MYO1B: variants seen among roughly 807,000 people sequenced by gnomAD.
The protein encoded by MYO1B is myosin IB.
MYO1B carries 72 observed loss-of-function variants against 159.7 expected under a neutral mutation model. That is an observed-to-expected ratio of 0.45 (90% confidence interval 0.37 to 0.55). The LOEUF is 0.55. Ranked by LOEUF, MYO1B falls within the 20% of genes least tolerant of loss-of-function variation. The pLI is 0.00. For missense variants in MYO1B, 1,062 were observed against 1,364.8 expected, an observed-to-expected ratio of 0.78 and a Z score of 3.50; for synonymous variants, 468 against 473.8, an observed-to-expected ratio of 0.99 and a Z score of 0.16.
chr2:191,269,333 T>G (rs527775516), intron 1 of MYO1B, among the ~76,000 whole-genome samples: 1 of 152,358 alleles, frequency 6.6e-6, no homozygotes, highest in Admixed American at 6.5e-5. Flanking sequence ...AGGATTTCCT[T>G]CCTTTTTAAG....
In MYO1B at chr2:191,387,236, G is replaced by C; in HGVS notation, c.1567G>C (p.Val523Leu). Residue 523 changes from valine to leucine, a missense_variant, in exon 17 of 31, where the codon GTG (valine) becomes CTG (leucine). Val to Leu is a conservative substitution (Grantham distance 32, BLOSUM62 1). This residue lies in a region of MYO1B where 609 missense variants were observed against 744.4 expected (regional missense o/e 0.82). Coordinates refer to ENST00000392318, the MANE Select transcript of MYO1B (RefSeq NM_001130158.3). ...QHYAGKVLYQ[V>L]EGFVDKNNDL... ...GTGCTGCTTATAGGTGCTGTACCAG[G>C]TGGAAGGATTCGTTGACAAAAACAA... 1 of 1,614,058 alleles carries C rather than the reference G, an allele frequency of 6.2e-7. No homozygotes were observed.
chr2:191,252,340 C>T (rs115776148), intron 1 of MYO1B, among the ~76,000 whole-genome samples: 10,898 of 152,182 alleles, frequency 0.072, 1,253 homozygotes, highest in African/African-American at 0.24. Context: ...TGCCGTAGTA[C>T]TCTGCAGGTA....
rs140830801 is a variant in MYO1B, at chr2:191,303,992, A to G, written c.251+7766A>G. 5.9e-3 allele frequency among the ~76,000 whole-genome samples: 902 copies of G among 152,336 alleles called. 6 individuals carry two copies. Among genetic ancestry groups the G allele is most frequent in the Admixed American group, 9.0e-3 (138 of 15,304 alleles). On this transcript the variant is annotated intron_variant, in intron 3 of 30. Transcript: ENST00000392318. ...TCATGGGTCAAAATAAGCAGAAGGC[A>G]GGCACTGTGTTTGTTGTCAGTCTTG...
chr2:191,372,974 C>T (rs1430821427), intron 13 of MYO1B, among the ~76,000 whole-genome samples: 1 of 146,900 alleles, frequency 6.8e-6, no homozygotes, highest in Non-Finnish European at 1.5e-5. Context: ...ACAACCTCTG[C>T]CTCCAGGGTT....
At chr2:191,296,395 A>G (rs969219846) in intron 3 of MYO1B, among the ~76,000 whole-genome samples, 169 bp downstream of exon 3, 1 of 152,206 alleles carries the variant, frequency 6.6e-6, no homozygotes, top group Non-Finnish European at 1.5e-5. Flanking sequence ...AAATTAAAAA[A>G]AGGCAGAATA....
Position 191,296,151 on chromosome 2 carries a change from G to A in MYO1B, c.176G>A (p.Arg59Gln), listed in dbSNP as rs146816421. ...GSVVISVNPY[R>Q]SLPIYSPEKV... ...GTGGTTATATCTGTTAACCCATACC[G>A]GTCTTTACCCATTTATTCACCAGAG... Residue 59 changes from arginine to glutamine, a missense_variant, in exon 3 of 31, where the codon CGG (arginine) becomes CAG (glutamine). Coordinates refer to ENST00000392318, the MANE Select transcript of MYO1B (RefSeq NM_001130158.3). The A allele has an allele frequency of 8.7e-6, 14 of 1,608,256 alleles. No individual in the cohort carries two copies. Among genetic ancestry groups the A allele is most frequent in the Admixed American group, 5.0e-5 (3 of 59,472 alleles).
chr2:191,315,740 A>G (rs1362087084), intron 3 of MYO1B, among the ~76,000 whole-genome samples: 1 of 152,270 alleles, frequency 6.6e-6, no homozygotes, highest in East Asian at 1.9e-4. Flanking sequence ...CATTTTAGAT[A>G]GCTAATTCTC....
intron 4 of MYO1B, among the ~76,000 whole-genome samples, chr2:191,333,799 T>A (rs1193020164): frequency 1.3e-5 from 2 of 152,204 alleles, no homozygotes; most frequent in African/African-American, 4.8e-5. Context: ...ACCCCTTCCA[T>A]GTCACTAACC....
At chr2:191,312,266 T>TACTGTTTCTGAAATCCC (rs1690049332) in intron 3 of MYO1B, among the ~76,000 whole-genome samples, 1 of 152,242 alleles carries the variant, frequency 6.6e-6, no homozygotes, top group Admixed American at 6.5e-5. Flanking sequence ...TCTTGTGGCC[T>TACTGTTTCTGAAATCCC]ACTGTTTCTG....
chr2:191,385,500 G>A (rs1042385450), intron 15 of MYO1B, among the ~76,000 whole-genome samples: 11 of 146,676 alleles, frequency 7.5e-5, no homozygotes, highest in Admixed American at 1.4e-4. Context: ...ATGTTATAGA[G>A]GCTGTATTGT....
intron 21 of MYO1B, among the ~76,000 whole-genome samples, chr2:191,397,669 G>A (rs1430790656): frequency 4.2e-5 from 6 of 144,448 alleles, no homozygotes; most frequent in Admixed American, 1.4e-4. Context: ...CCACAAAACC[G>A]CCATTGTCAT....
At position 191,393,068 on chromosome 2, in the gene MYO1B, A is replaced by C; in HGVS notation, c.2077-5A>C. The stretch of plus-strand genomic sequence containing the variant: ...TTGATAAGTCCATCTATCATTTCTT[A>C]TTAGTTATTCAAATTAGAAGACCTG... On this transcript the variant is annotated splice_polypyrimidine_tract_variant and splice_region_variant and intron_variant, in intron 19 of 30. Transcript: ENST00000392318. The C allele has an allele frequency of 6.2e-7, 1 of 1,612,386 alleles. No individual in the cohort carries two copies.
At chr2:191,306,975 G>T (rs1363538790) in intron 3 of MYO1B, among the ~76,000 whole-genome samples, 1 of 152,172 alleles carries the variant, frequency 6.6e-6, no homozygotes, top group African/African-American at 2.4e-5. Flanking sequence ...TACTGGAAAG[G>T]GGTCCCCCAA....
chr2:191,287,865 T>A (rs573416016), intron 2 of MYO1B, among the ~76,000 whole-genome samples: 1 of 111,316 alleles, frequency 9.0e-6, no homozygotes, highest in East Asian at 3.3e-4. Flanking sequence ...TTGATCTCAG[T>A]CTTTTTTTTT....
intron 6 of MYO1B, among the ~76,000 whole-genome samples, chr2:191,347,215 CA>C (rs1692625319): frequency 6.6e-6 from 1 of 152,156 alleles, no homozygotes; most frequent in Non-Finnish European, 1.5e-5. Context: ...GTGCTTAAGG[CA>C]GGACAGTGAC....
chr2:191,389,338 A>G (rs893409436), intron 17 of MYO1B, among the ~76,000 whole-genome samples: 2 of 152,372 alleles, frequency 1.3e-5, no homozygotes, highest in Non-Finnish European at 2.9e-5. Flanking sequence ...TTGCTGCAGT[A>G]TGATCCAAAG....
chr2:191,310,675 T>G (rs17414109), intron 3 of MYO1B, among the ~76,000 whole-genome samples: 1 of 152,004 alleles, frequency 6.6e-6, no homozygotes. Flanking sequence ...ACCAATCTGC[T>G]TGAATCATTG....
intron 24 of MYO1B, among the ~76,000 whole-genome samples, chr2:191,405,134 A>G (rs1281814480): frequency 6.6e-6 from 1 of 152,240 alleles, no homozygotes; most frequent in Admixed American, 6.5e-5. Flanking sequence ...TCATTTCAGC[A>G]GTGTTCACAG....
chr2:191,354,315 A>G (rs914782746), intron 7 of MYO1B, among the ~76,000 whole-genome samples: 4 of 150,590 alleles, frequency 2.7e-5, no homozygotes, highest in Non-Finnish European at 4.4e-5. Flanking sequence ...CACCTTATAT[A>G]TATTTGTTGA....
Sources: allele counts gnomAD v4.1 joint callset (sites outside exome capture counted in the v4.1 genomes callset), GRCh38; gene constraint gnomAD v4.1.1; regional missense constraint gnomAD v4.1.1; transcripts MANE v1.5; gene names NCBI Gene and HGNC (gene_info 2026-07-23, HGNC 2026-07-21).